The following TRIM39 variants were observed in gnomAD, a reference collection of about 807,000 sequenced individuals.
TRIM39 encodes the protein E3 ubiquitin-protein ligase TRIM39.
A neutral mutation model predicts 53.6 loss-of-function variants in TRIM39; 5 were observed. The ratio of observed to expected loss-of-function variants is 0.09; its 90% CI spans 0.05 to 0.20. TRIM39 has a LOEUF of 0.20. Among genes scored for constraint, TRIM39 ranks in the 10% least tolerant of loss-of-function variants. The pLI, the probability that TRIM39 is intolerant of heterozygous loss-of-function variation, is 1.00. For missense variants in TRIM39, 310 were observed against 621.0 expected (o/e 0.50, Z 5.32); for synonymous variants, 196 against 237.6 (o/e 0.82, Z 1.61).
At position 30,342,723 on chromosome 6, in the gene TRIM39, T is replaced by C. The variant is rs2240058; in HGVS notation, c.*464T>C. ...TACCTCTGAATTCATGAGAGATGAA[T>C]GACAGATGCTCTCATGGGTCTAGAT... is the stretch of plus-strand genomic sequence containing the variant. On this transcript the variant is annotated 3_prime_UTR_variant, in exon 8 of 8. Transcript: ENST00000396551. This position sits in a 1 kb window ranked among gnomAD's most constrained non-coding sequence, Gnocchi z 4.7. 0.14 allele frequency: 25,333 copies of C among 183,680 alleles called. 2,454 individuals are homozygous for C. Among genetic ancestry groups the C allele is most frequent in the East Asian group, 0.36 (2,400 of 6,754 alleles). 11.4% of individuals were successfully genotyped at this position (183,680 alleles called of 1,614,324 possible). A position where few individuals can be genotyped will look rare whatever the true frequency, so the allele number is the denominator to read the frequency against.
exon 7 of TRIM39, chr6:30,340,539 G>A (rs754890259): frequency 1.2e-6 from 2 of 1,613,056 alleles, no homozygotes. Flanking sequence ...GGTGACTTCA[G>A]TATCCATAGA....
At chr6:30,340,831 T>A (rs1787432592) in intron 7 of TRIM39, among the ~76,000 whole-genome samples, 1 of 152,210 alleles carries the variant, frequency 6.6e-6, no homozygotes, top group African/African-American at 2.4e-5. Flanking sequence ...GTCCATTCTT[T>A]TCTAAATAGA....
At chr6:30,332,780 A>C (rs1786342312) in intron 4 of TRIM39, among the ~76,000 whole-genome samples, 1 of 152,156 alleles carries the variant, frequency 6.6e-6, no homozygotes, top group African/African-American at 2.4e-5. Flanking sequence ...TGTTTTTTAA[A>C]CTGTAAATTG....
At position 30,340,639 on chromosome 6, in the gene TRIM39, G is replaced by C. The variant is rs376126107; in HGVS notation, c.919+19G>C. ...CTAATTGGTGAGTTGTTCCCAAAAG[G>C]AAACTAGAAGAAACCACTAGAGAGA... On this transcript the variant is annotated intron_variant, in intron 7 of 7. Coordinates refer to ENST00000396551, the Ensembl canonical transcript of TRIM39. 1 of 1,602,702 alleles carries C rather than the reference G, an allele frequency of 6.2e-7. No individual in the cohort carries two copies.
intron 6 of TRIM39, chr6:30,340,224 G>A (rs771796096): frequency 5.4e-5 from 81 of 1,509,106 alleles, no homozygotes; most frequent in Non-Finnish European, 6.8e-5. Context: ...GCAGGAGGAA[G>A]GGGTTGGGAG....
chr6:30,333,070 G>A (rs1786388649), intron 4 of TRIM39, among the ~76,000 whole-genome samples: 1 of 152,106 alleles, frequency 6.6e-6, no homozygotes, highest in Non-Finnish European at 1.5e-5. Context: ...CTGGTTATAT[G>A]CTTGCCCCTA....
At chr6:30,336,059 C>CA in intron 5 of TRIM39, 84 bp downstream of exon 5, 1 of 1,549,000 alleles carries the variant, frequency 6.5e-7, no homozygotes, top group Non-Finnish European at 8.8e-7. Flanking sequence ...CTGGGATACT[C>CA]ATTCTTCTGC....
rs1169183702 is a variant in TRIM39, at chr6:30,338,863, G to A, written c.781-1045G>A. On this transcript the variant is annotated intron_variant, in intron 5 of 7. Coordinates refer to ENST00000396551, the Ensembl canonical transcript of TRIM39. This position sits in a 1 kb window ranked among gnomAD's most constrained non-coding sequence, Gnocchi z 4.0. Reference sequence around the variant, plus strand: ...TATTAATAATACCTCTAAAGTGTTTGAAATATTTTGTTCTCTTACGTAAAT... The same window carrying A: ...TATTAATAATACCTCTAAAGTGTTTAAAATATTTTGTTCTCTTACGTAAAT... 6.6e-6 allele frequency among the ~76,000 whole-genome samples: 1 copy of A among 152,112 alleles called. No individual in the cohort carries two copies. Among genetic ancestry groups the A allele is most frequent in the Non-Finnish European group, 1.5e-5 (1 of 68,028 alleles).
At chr6:30,332,157 C>G (rs1582014922) in intron 4 of TRIM39, among the ~76,000 whole-genome samples, 1 of 152,170 alleles carries the variant, frequency 6.6e-6, no homozygotes, top group Non-Finnish European at 1.5e-5. Flanking sequence ...GATCATAAAG[C>G]CAGTAAGTGG....
At chr6:30,327,781 A>G (rs1349528623) in intron 1 of TRIM39, 2 of 152,274 alleles carry the variant, frequency 1.3e-5, no homozygotes, top group Non-Finnish European at 1.5e-5. Context: ...GATAGAAATC[A>G]TCTGACTGAA....
rs763824410 is a variant in TRIM39, at chr6:30,339,911, G to T, written c.784G>T (p.Val262Phe). 1.9e-6 allele frequency: 3 copies of T among 1,614,158 alleles called. No homozygotes were observed. The South Asian group carries it at 3.3e-5, about 18-fold the overall frequency. Residue 262 changes from valine (V) to phenylalanine (F), a missense_variant, in exon 6 of 8, where the codon GTC (valine) becomes TTC (phenylalanine). Around this residue, in one of 5 missense-constraint regions of TRIM39, gnomAD observed 161 missense variants for 210.0 expected, o/e 0.77. Coordinates refer to ENST00000396551, the Ensembl canonical transcript of TRIM39. The surrounding 1 kb of genome is among the most constrained non-coding windows in gnomAD (Gnocchi z 4.2). ...TTTCTTTTCTCCTTCCTTCTAGGAT[G>T]TCAAAAGTACCCTGGAAAAGTAAGT...
At chr6:30,340,015 G>C in intron 6 of TRIM39, 85 bp downstream of exon 6, 1 of 1,602,078 alleles carries the variant, frequency 6.2e-7, no homozygotes, top group Non-Finnish European at 8.5e-7. Flanking sequence ...TTGGGGGTGA[G>C]GTTGGGAAAG....
At chr6:30,340,456 C>T (rs1250730201) in intron 6 of TRIM39, 49 bp from the exon 7 acceptor site, 2 of 1,611,568 alleles carry the variant, frequency 1.2e-6, no homozygotes, top group Non-Finnish European at 1.7e-6. Flanking sequence ...TTGGCTGGAG[C>T]TTCTCCCTAA....
At chr6:30,330,672 A>G in intron 3 of TRIM39, 109 bp from the exon 4 acceptor site, 1 of 1,194,810 alleles carries the variant, frequency 8.4e-7, no homozygotes, top group Non-Finnish European at 1.2e-6. Flanking sequence ...AGGCAGTAAG[A>G]TGGCTAGGAA....
intron 5 of TRIM39, among the ~76,000 whole-genome samples, chr6:30,337,678 G>A (rs1238598472): frequency 6.6e-6 from 1 of 152,194 alleles, no homozygotes; most frequent in Non-Finnish European, 1.5e-5. Context: ...AGAGCCCTAG[G>A]ATTTTTGAAA....
chr6:30,327,360 C>T (rs1455589073), intron 1 of TRIM39: 1 of 154,350 alleles, frequency 6.5e-6, no homozygotes, highest in Non-Finnish European at 1.4e-5. Flanking sequence ...TTTCCTCTTT[C>T]CCCTCTCCAA....
Position 30,338,659 on chromosome 6 carries a change from G to A in TRIM39, c.781-1249G>A, listed in dbSNP as rs1378860709. On this transcript the variant is annotated intron_variant, in intron 5 of 7. Transcript: ENST00000396551. This position sits in a 1 kb window ranked among gnomAD's most constrained non-coding sequence, Gnocchi z 4.0. ...GAGAATTACCAAAATGTGACACAGA[G>A]ACATGAAGTGAACACATGCTGTTGG... Among the ~76,000 whole-genome samples the A allele has an allele frequency of 6.6e-6, 1 of 150,704 alleles. No individual in the cohort carries two copies. The highest frequency in any genetic ancestry group is 1.5e-5 in the Non-Finnish European group (1 of 67,816).
intron 5 of TRIM39, among the ~76,000 whole-genome samples, chr6:30,336,653 A>G (rs1365675441): frequency 6.6e-6 from 1 of 152,258 alleles, no homozygotes; most frequent in Non-Finnish European, 1.5e-5. Context: ...ACTCACCAGT[A>G]GAACTTCTTT....
chr6:30,343,465 G>A (rs981962164), exon 8 of TRIM39: 2 of 152,580 alleles, frequency 1.3e-5, no homozygotes, highest in African/African-American at 2.4e-5. Flanking sequence ...AACTTATAGG[G>A]TACATATGTT....
Sources: allele counts gnomAD v4.1 joint callset (sites outside exome capture counted in the v4.1 genomes callset), GRCh38; gene constraint gnomAD v4.1.1; regional missense constraint gnomAD v4.1.1; non-coding constraint Gnocchi (gnomAD v3.1); transcripts MANE v1.5; gene names NCBI Gene and HGNC (gene_info 2026-07-23, HGNC 2026-07-21).